Variants in DOCK4 observed in about 807,000 individuals in gnomAD.
The protein encoded by DOCK4 is dedicator of cytokinesis 4, also known as dedicator of cytokinesis protein 4.
In DOCK4, 97 loss-of-function variants were observed where a neutral mutation model predicts 268.1. The ratio of observed to expected loss-of-function variants is 0.36; its 90% confidence interval spans 0.31 to 0.43. The LOEUF (loss-of-function observed/expected upper bound fraction) is 0.43. Among genes scored for constraint, DOCK4 ranks in the 20% least tolerant of loss-of-function variants. The pLI, the probability that DOCK4 is intolerant of heterozygous loss-of-function variation, is 1.00. For missense variants in DOCK4, 2,145 were observed against 2,455.7 expected (o/e 0.87, Z 2.67); for synonymous variants, 954 against 887.2 (o/e 1.08, Z -1.34).
In DOCK4 at chr7:111,847,272, T is replaced by C. The variant is rs140682059; in HGVS notation, c.2474-146A>G. 145 of 1,028,062 alleles carry C rather than the reference T, an allele frequency of 1.4e-4. No individual in the cohort carries two copies. In the African/African-American group the frequency reaches 2.2e-3, roughly 16 times the overall value. 63.7% of individuals were successfully genotyped at this position (1,028,062 alleles called of 1,614,324 possible). A position where few individuals can be genotyped will look rare whatever the true frequency, so the allele number is the denominator to read the frequency against. On this transcript the variant is annotated intron_variant, in intron 23 of 52. Transcript: ENST00000428084. ...AGGTATTAGTTCTACAAGGTTTATA[T>C]TGAAAAACAGCAGTTCCTTTCCCTA...
At chr7:111,931,713 G>A (rs1794216958) in intron 12 of DOCK4, among the ~76,000 whole-genome samples, 1 of 152,146 alleles carries the variant, frequency 6.6e-6, no homozygotes, top group African/African-American at 2.4e-5. Context: ...GATCCATTTC[G>A]AGACAATGAA....
In DOCK4 at chr7:111,893,251, C is replaced by T. The variant is rs150772298; in HGVS notation, c.1587+2361G>A. 4.3e-3 allele frequency among the ~76,000 whole-genome samples: 651 copies of T among 152,208 alleles called. 8 individuals are homozygous for T. Among genetic ancestry groups the T allele is most frequent in the African/African-American group, 0.015 (622 of 41,522 alleles). On this transcript the variant is annotated intron_variant, in intron 16 of 52. Coordinates refer to ENST00000428084, the MANE Select transcript of DOCK4 (RefSeq NM_001363540.2). ...TGGAGAAGCGAGCTCTGCTACCTGTCCTCTGGCATTTTAAGCATATGCATG... is the reference window on the plus strand; with the variant it reads ...TGGAGAAGCGAGCTCTGCTACCTGTTCTCTGGCATTTTAAGCATATGCATG...
At chr7:112,018,019 T>C (rs367647657) in intron 1 of DOCK4, among the ~76,000 whole-genome samples, 2 of 151,172 alleles carry the variant, frequency 1.3e-5, no homozygotes, top group Non-Finnish European at 2.9e-5. Flanking sequence ...ACCCCGTCTC[T>C]ACTAAAAAAA....
intron 1 of DOCK4, among the ~76,000 whole-genome samples, chr7:112,168,094 T>C (rs1288236689): frequency 6.6e-6 from 1 of 152,176 alleles, no homozygotes; most frequent in African/African-American, 2.4e-5. Flanking sequence ...TTTAAAATAG[T>C]TTCCCAGTTT....
At chr7:111,909,554 G>T (rs1265425074) in intron 13 of DOCK4, among the ~76,000 whole-genome samples, 1 of 152,268 alleles carries the variant, frequency 6.6e-6, no homozygotes, top group South Asian at 2.1e-4. Context: ...ACTGGATAAA[G>T]AAAAAGGAGG....
intron 30 of DOCK4, among the ~76,000 whole-genome samples, chr7:111,798,863 A>G (rs1420480297): frequency 6.6e-6 from 1 of 152,244 alleles, no homozygotes; most frequent in Non-Finnish European, 1.5e-5. Flanking sequence ...GCCATTTGAA[A>G]GGAAAGATAT....
intron 12 of DOCK4, among the ~76,000 whole-genome samples, chr7:111,922,802 C>T (rs924533520): frequency 3.7e-4 from 56 of 152,070 alleles, no homozygotes; most frequent in South Asian, 2.1e-4. Flanking sequence ...AGTATGGTCT[C>T]GATCTCCTGA....
At chr7:111,863,881 C>G (rs1206591437) in intron 22 of DOCK4, among the ~76,000 whole-genome samples, 1 of 152,120 alleles carries the variant, frequency 6.6e-6, no homozygotes, top group Non-Finnish European at 1.5e-5. Context: ...AATGCTCAAC[C>G]AAGACCTGGA....
intron 1 of DOCK4, among the ~76,000 whole-genome samples, chr7:112,150,427 C>A (rs1355039188): frequency 6.6e-6 from 1 of 152,144 alleles, no homozygotes; most frequent in East Asian, 1.9e-4. Context: ...CTCATTCTGT[C>A]TATGCCCCTC....
intron 1 of DOCK4, among the ~76,000 whole-genome samples, chr7:112,174,379 G>C (rs17159328): frequency 1.3e-5 from 2 of 151,896 alleles, no homozygotes; most frequent in Admixed American, 6.6e-5. Context: ...CTTAATTCAA[G>C]GGTAAGCTGC....
chr7:111,826,555 A>G (rs1481300877), intron 26 of DOCK4, among the ~76,000 whole-genome samples: 3 of 152,222 alleles, frequency 2.0e-5, no homozygotes, highest in East Asian at 1.9e-4. Flanking sequence ...GCAGCCACAA[A>G]AAAAGAACAA....
chr7:111,975,040 G>C (rs113794747), intron 8 of DOCK4, among the ~76,000 whole-genome samples: 2,749 of 152,282 alleles, frequency 0.018, 71 homozygotes, highest in African/African-American at 0.062. Context: ...GCCAAGGCGG[G>C]GGGATCACTT....
chr7:111,750,995 T>C (rs1283787011), intron 42 of DOCK4, among the ~76,000 whole-genome samples: 2 of 152,178 alleles, frequency 1.3e-5, no homozygotes, highest in African/African-American at 4.8e-5. Context: ...ACATTTCTCT[T>C]TACAGAGTAT....
At chr7:111,873,421 G>C (rs1207928001) in intron 17 of DOCK4, among the ~76,000 whole-genome samples, 1 of 152,216 alleles carries the variant, frequency 6.6e-6, no homozygotes, top group South Asian at 2.1e-4. Context: ...CTGAAGGCTC[G>C]CGTGTGCCGA....
intron 1 of DOCK4, among the ~76,000 whole-genome samples, chr7:112,022,721 A>G (rs1442362629): frequency 1.3e-5 from 2 of 152,174 alleles, no homozygotes; most frequent in African/African-American, 4.8e-5. Flanking sequence ...GTGAGCTGTC[A>G]ATGTTGACCA....
intron 30 of DOCK4, among the ~76,000 whole-genome samples, chr7:111,798,372 C>T (rs1355662139): frequency 1.3e-5 from 2 of 152,208 alleles, no homozygotes; most frequent in African/African-American, 4.8e-5. Context: ...GAAAGTAAAC[C>T]TCCTTCTAAA....
At position 111,872,249 on chromosome 7, in the gene DOCK4, T is replaced by C. The variant is rs1477367564; in HGVS notation, c.1926+20A>G. 5.3e-6 allele frequency: 8 copies of C among 1,497,958 alleles called. No individual in the cohort carries two copies. The highest frequency in any genetic ancestry group is 5.4e-6 in the Non-Finnish European group (6 of 1,111,658). The allele number at this position is 1,497,958 out of a possible 1,614,324, so 92.8% of individuals were successfully genotyped here. ...GAGAGACAAAACAGTTAAAATACAA[T>C]TAAGGGAATTTGAACTTACCAAAGA... is the stretch of plus-strand genomic sequence containing the variant. On this transcript the variant is annotated intron_variant, in intron 19 of 52. Transcript: ENST00000428084.
chr7:111,822,495 T>C (rs1167771343), intron 26 of DOCK4, 39 bp from the exon 27 acceptor site: 3 of 1,539,856 alleles, frequency 1.9e-6, no homozygotes, highest in Middle Eastern at 1.7e-4. Context: ...ATTGGTTTAT[T>C]GTAACTGTCA....
intron 1 of DOCK4, among the ~76,000 whole-genome samples, chr7:112,004,628 G>A (rs1391762580): frequency 6.6e-6 from 1 of 152,156 alleles, no homozygotes; most frequent in African/African-American, 2.4e-5. Context: ...CAAGAGAAGG[G>A]ACTGCATCCA....
Sources: allele counts gnomAD v4.1 joint callset (sites outside exome capture counted in the v4.1 genomes callset), GRCh38; gene constraint gnomAD v4.1.1; transcripts MANE v1.5; gene names NCBI Gene and HGNC (gene_info 2026-07-23, HGNC 2026-07-21).